ADAMTS9: variants seen among roughly 807,000 people sequenced by gnomAD.
The protein encoded by ADAMTS9 is A disintegrin and metalloproteinase with thrombospondin motifs 9.
In ADAMTS9, 107 loss-of-function variants were observed where a neutral mutation model predicts 257.1. That is an observed-to-expected ratio of 0.42 (90% CI 0.36 to 0.49). ADAMTS9 has a LOEUF of 0.49. Among genes scored for constraint, ADAMTS9 ranks in the 20% least tolerant of loss-of-function variants. The probability of loss-of-function intolerance (pLI) is 0.03; values close to 1 mark genes in which losing one functional copy is unlikely to be tolerated. For missense variants in ADAMTS9, 2,353 were observed against 2,469.1 expected (o/e 0.95, Z 1.00); for synonymous variants, 982 against 880.9 (o/e 1.11, Z -2.03).
At chr3:64,540,841 G>T (rs2083111645) in intron 36 of ADAMTS9, among the ~76,000 whole-genome samples, 1 of 151,914 alleles carries the variant, frequency 6.6e-6, no homozygotes, top group Non-Finnish European at 1.5e-5. Flanking sequence ...ATCACAAATC[G>T]GAGAGAGCAC....
intron 39 of ADAMTS9, among the ~76,000 whole-genome samples, chr3:64,518,874 T>A: frequency 6.8e-6 from 1 of 147,438 alleles, no homozygotes; most frequent in East Asian, 2.1e-4. Flanking sequence ...GTCTCCCAGG[T>A]TAAAGCGATT....
intron 29 of ADAMTS9, among the ~76,000 whole-genome samples, chr3:64,562,304 T>C (rs367698366): frequency 7.4e-4 from 113 of 152,328 alleles, no homozygotes; most frequent in African/African-American, 2.5e-3. Flanking sequence ...AACCACAGAA[T>C]TCACTAAAGA....
intron 20 of ADAMTS9, 107 bp from the exon 21 acceptor site, chr3:64,615,592 G>T: frequency 8.6e-7 from 1 of 1,164,448 alleles, no homozygotes; most frequent in Non-Finnish European, 1.2e-6. Context: ...CAACACACAA[G>T]CTGGCCAACT....
rs1007117815 is a variant in ADAMTS9, at chr3:64,586,285, TA to T, written c.4356+7972del. On this transcript the variant is annotated intron_variant, in intron 28 of 39. Coordinates refer to ENST00000498707, the MANE Select transcript of ADAMTS9 (RefSeq NM_182920.2). ...TCCAAAATGTAAGTGGTTGTTATAA[TA>T]AAAAAAAAATCAAAGTCCTCCCTAT... Among the ~76,000 whole-genome samples, 906 of 148,732 alleles carry T rather than the reference TA, an allele frequency of 6.1e-3. 7 individuals are homozygous for T. The highest frequency in any genetic ancestry group is 0.017 in the African/African-American group (677 of 40,596).
intron 10 of ADAMTS9, among the ~76,000 whole-genome samples, chr3:64,649,046 G>T (rs1700867268): frequency 6.6e-6 from 1 of 152,088 alleles, no homozygotes; most frequent in Non-Finnish European, 1.5e-5. Context: ...TAGAAACACA[G>T]CTCTGCTCAT....
chr3:64,642,816 G>T (rs575377443), intron 11 of ADAMTS9, among the ~76,000 whole-genome samples: 23 of 152,268 alleles, frequency 1.5e-4, no homozygotes, highest in African/African-American at 5.5e-4. Flanking sequence ...GGAGCTGGTG[G>T]CGACTGTCGT....
At chr3:64,542,185 C>T (rs1285124343) in intron 32 of ADAMTS9, among the ~76,000 whole-genome samples, 4 of 151,522 alleles carry the variant, frequency 2.6e-5, no homozygotes, top group African/African-American at 4.8e-5. Context: ...TTTATACAAA[C>T]ATATATATGT....
At chr3:64,583,628 A>T (rs2084060758) in intron 28 of ADAMTS9, 1 of 152,202 alleles carries the variant, frequency 6.6e-6, no homozygotes, top group Admixed American at 6.5e-5. Flanking sequence ...AACAACCAAA[A>T]CTGTCTCCAG....
intron 27 of ADAMTS9, 27 bp from the exon 28 acceptor site, chr3:64,594,461 G>A (rs1487538681): frequency 1.9e-6 from 3 of 1,599,156 alleles, no homozygotes; most frequent in African/African-American, 2.7e-5. Flanking sequence ...GAAGGCTGCA[G>A]TTATTTTGTC....
Position 64,655,804 on chromosome 3 carries a change from A to G in ADAMTS9, c.1041T>C (p.Ile347=). 6.4e-7 allele frequency: 1 copy of G among 1,572,276 alleles called. No individual in the cohort carries two copies. The part of the protein sequence containing the change: ...INIVIVNLIV[I]HNEQDGPSIS... ...AAAACTTTATTACCTGTTCATTATG[A>G]ATCACAATTAAGTTCACAATAACAA... Residue 347 remains isoleucine, a synonymous_variant, in exon 5 of 40, where the codon ATT becomes ATC. Transcript: ENST00000498707.
rs768552951 is a variant in ADAMTS9, at chr3:64,594,408, T to C, written c.4206A>G (p.Ile1402Met). The stretch of plus-strand genomic sequence containing the variant: ...GCTGACAGACCACCAGTCTTGTTCT[T>C]ATGCCTCCACCACACAGCTTAGTGC... ...GECTKLCGGG[I>M]RTRLVVCQRS... The change falls in exon 28 of 40, where the codon ATA becomes ATG. Residue 1402 changes from isoleucine to methionine, a missense_variant. Transcript: ENST00000498707. The C allele has an allele frequency of 2.5e-6, 4 of 1,614,064 alleles. No individual in the cohort carries two copies. In the South Asian group the frequency reaches 4.4e-5, roughly 18 times the overall value.
chr3:64,524,095 A>T (rs2106874503), intron 38 of ADAMTS9, among the ~76,000 whole-genome samples: 1 of 152,346 alleles, frequency 6.6e-6, no homozygotes, highest in Non-Finnish European at 1.5e-5. Flanking sequence ...CATGCTGTCA[A>T]AAGTTAAAAC....
At chr3:64,524,763 G>C (rs2082889687) in intron 38 of ADAMTS9, among the ~76,000 whole-genome samples, 1 of 152,200 alleles carries the variant, frequency 6.6e-6, no homozygotes, top group Admixed American at 6.5e-5. Context: ...CCAACTCCTA[G>C]TCTAAAGACC....
At chr3:64,652,880 T>C (rs890431174) in intron 8 of ADAMTS9, among the ~76,000 whole-genome samples, 1 of 152,180 alleles carries the variant, frequency 6.6e-6, no homozygotes, top group African/African-American at 2.4e-5. Context: ...CTGACACCAG[T>C]GGAAAATTCC....
At chr3:64,544,182 A>G (rs1345808446) in intron 32 of ADAMTS9, among the ~76,000 whole-genome samples, 2 of 151,424 alleles carry the variant, frequency 1.3e-5, no homozygotes, top group Non-Finnish European at 2.9e-5. Context: ...GAACATGGCC[A>G]TACTGCCCAA....
chr3:64,545,200 C>T lies in ADAMTS9; in HGVS notation c.5064+1558G>A, dbSNP rs888979043. Among the ~76,000 whole-genome samples, 15 of 152,280 alleles carry T rather than the reference C, an allele frequency of 9.9e-5. 1 individual carries two copies. The highest frequency in any genetic ancestry group is 5.2e-4 in the Admixed American group (8 of 15,296). ...TCAACCATTGTGGAAGACAGTGTGG[C>T]TATTCCTCAAGGATCTAGAACGAGA... On this transcript the variant is annotated intron_variant, in intron 32 of 39. Transcript: ENST00000498707.
intron 26 of ADAMTS9, among the ~76,000 whole-genome samples, chr3:64,599,465 T>C (rs1265026408): frequency 1.3e-5 from 2 of 152,226 alleles, no homozygotes; most frequent in African/African-American, 4.8e-5. Context: ...GACAGATATT[T>C]GTTTTTTTCT....
At chr3:64,604,420 C>T in intron 23 of ADAMTS9, 89 bp from the exon 24 acceptor site, 1 of 907,198 alleles carries the variant, frequency 1.1e-6, no homozygotes, top group Non-Finnish European at 1.7e-6. Flanking sequence ...AATGTAAAGG[C>T]TAAGAATTCT....
Position 64,633,807 on chromosome 3 carries a change from G to A in ADAMTS9, c.1929C>T (p.Leu643=). Reference sequence around the variant, plus strand: ...CATCTCGGAAGTCTCGCTTCTGCTTGAGACATGGCTCCGTGTTGCAGGACT... The same window carrying A: ...CATCTCGGAAGTCTCGCTTCTGCTTAAGACATGGCTCCGTGTTGCAGGACT... The part of the protein sequence containing the change: ...KFKSCNTEPC[L]KQKRDFRDEQ... The change falls in exon 13 of 40, where the codon CTC becomes CTT. Residue 643 remains leucine, a synonymous_variant. Coordinates refer to ENST00000498707, the MANE Select transcript of ADAMTS9 (RefSeq NM_182920.2). 6.2e-7 allele frequency: 1 copy of A among 1,613,250 alleles called. No individual in the cohort carries two copies.
Sources: gnomAD v4.1 joint callset for allele counts (sites outside exome capture counted in the v4.1 genomes callset) on GRCh38, gnomAD v4.1.1 for gene constraint, MANE v1.5 for transcripts, NCBI Gene and HGNC (gene_info 2026-07-23, HGNC 2026-07-21) for gene names.